The following LAP3 variants were observed in gnomAD, a reference collection of about 807,000 sequenced individuals.
The protein encoded by LAP3 is leucine aminopeptidase 3, also known as cytosol aminopeptidase.
A neutral mutation model predicts 58.8 loss-of-function variants in LAP3; 46 were observed. The ratio of observed to expected loss-of-function variants is 0.78; its 90% CI spans 0.62 to 1.00. LAP3 has a LOEUF of 1.00. LAP3 is among the 50% of genes least tolerant of loss of function. LAP3 has a pLI of 0.00. For synonymous variants in LAP3, 257 were observed against 237.7 expected, an observed-to-expected ratio of 1.08 and a Z score of -0.75; for missense variants, 615 against 659.1, an observed-to-expected ratio of 0.93 and a Z score of 0.73.
chr4:17,588,651 C>T (rs1713594165), intron 6 of LAP3, among the ~76,000 whole-genome samples, 168 bp from the exon 7 acceptor site: 1 of 152,068 alleles, frequency 6.6e-6, no homozygotes, highest in South Asian at 2.1e-4. Flanking sequence ...GTGACTTGCC[C>T]AAGAATATAC....
At chr4:17,595,875 CTTCGTAGGATTG>C (rs1713814525) in intron 8 of LAP3, among the ~76,000 whole-genome samples, 1 of 152,050 alleles carries the variant, frequency 6.6e-6, no homozygotes, top group Admixed American at 6.6e-5. Flanking sequence ...TGACTGATTG[CTTCGTAGGATTG>C]TGGCCGGTGA....
rs140241819 is a variant in LAP3 at position 17,602,189 on chromosome 4, A to C, written c.1181-2399A>C. On this transcript the variant is annotated intron_variant, in intron 10 of 12. Coordinates refer to ENST00000226299, the MANE Select transcript of LAP3 (RefSeq NM_015907.3). ...GGTTCAGTGCTTGTCCTGATACTGAAGGATAGTAAGGTTTGCTTTTCCTTT... is the reference window on the plus strand; with the variant it reads ...GGTTCAGTGCTTGTCCTGATACTGACGGATAGTAAGGTTTGCTTTTCCTTT... 8.5e-4 allele frequency among the ~76,000 whole-genome samples: 129 copies of C among 152,274 alleles called. 2 individuals carry two copies. The highest frequency in any genetic ancestry group is 3.0e-3 in the African/African-American group (123 of 41,550).
At chr4:17,581,683 C>A in intron 2 of LAP3, 77 bp from the exon 3 acceptor site, 2 of 1,045,968 alleles carry the variant, frequency 1.9e-6, no homozygotes, top group South Asian at 1.3e-5. Flanking sequence ...TGTGATAATG[C>A]CGAGTATGTA....
chr4:17,587,821 CTG>C (rs1260480408), intron 6 of LAP3: 2 of 152,122 alleles, frequency 1.3e-5, no homozygotes, highest in Non-Finnish European at 2.9e-5. Flanking sequence ...ACAGTTGAAA[CTG>C]TGAGAAACAG....
chr4:17,592,226 G>C (rs10008337), intron 7 of LAP3, among the ~76,000 whole-genome samples: 94,387 of 152,042 alleles, frequency 0.62, 29,935 homozygotes, highest in East Asian at 0.88. Context: ...GTTCCCTTCT[G>C]CCTTTTTGTA....
At position 17,603,813 on chromosome 4, in the gene LAP3, CTTTTT is replaced by C. The variant is rs563546560; in HGVS notation, c.1181-767_1181-763del. Among the ~76,000 whole-genome samples, 143 of 101,066 alleles carry C rather than the reference CTTTTT, an allele frequency of 1.4e-3. 1 individual carries two copies. Among genetic ancestry groups the C allele is most frequent in the African/African-American group, 4.3e-3 (137 of 31,598 alleles). 66.3% of individuals were successfully genotyped at this position (101,066 alleles called of 152,430 possible). A position where few individuals can be genotyped will look rare whatever the true frequency, so the allele number is the denominator to read the frequency against. ...ACAGGCGTGAGGCATTGCGCCTGGCCTTTTTTTTTTTTCTTTCTTTCTTTTTTTTT... is the reference window on the plus strand; with the variant it reads ...ACAGGCGTGAGGCATTGCGCCTGGCCTTTTTTTCTTTCTTTCTTTTTTTTT... On this transcript the variant is annotated intron_variant, in intron 10 of 12. Transcript: ENST00000226299.
chr4:17,579,449 C>T (rs937525891), intron 1 of LAP3, among the ~76,000 whole-genome samples: 1 of 152,190 alleles, frequency 6.6e-6, no homozygotes, highest in Non-Finnish European at 1.5e-5. Flanking sequence ...ACTAATGTGC[C>T]AAAGCGGTAT....
At chr4:17,581,987 A>G in intron 3 of LAP3, 173 bp downstream of exon 3, 3 of 623,586 alleles carry the variant, frequency 4.8e-6, no homozygotes, top group East Asian at 2.8e-5. Flanking sequence ...ACTACTGCCT[A>G]TCTTATATTC....
intron 5 of LAP3, among the ~76,000 whole-genome samples, chr4:17,584,575 G>T (rs1013642335): frequency 6.6e-6 from 1 of 152,248 alleles, no homozygotes; most frequent in African/African-American, 2.4e-5. Flanking sequence ...TTGCTTTGCA[G>T]TTAGCACTTG....
intron 7 of LAP3, among the ~76,000 whole-genome samples, chr4:17,593,212 T>A (rs752791382): frequency 6.6e-6 from 1 of 152,250 alleles, no homozygotes; most frequent in Non-Finnish European, 1.5e-5. Flanking sequence ...TTGTAAGGTT[T>A]TTTAAAAATA....
intron 8 of LAP3, among the ~76,000 whole-genome samples, chr4:17,596,740 C>T (rs140978397): frequency 0.012 from 1,779 of 152,278 alleles, 39 homozygotes; most frequent in African/African-American, 0.04. Context: ...TTTTCTTCCA[C>T]GGCATTAGCA....
Position 17,607,745 on chromosome 4 carries a change from A to G in LAP3, c.*156A>G, listed in dbSNP as rs1400325045. Reference sequence around the variant, plus strand: ...ATTTGTATGCCTTGATTTTTTTTTCATTTCACACAAAGATTTATAAAGGTA... The same window carrying G: ...ATTTGTATGCCTTGATTTTTTTTTCGTTTCACACAAAGATTTATAAAGGTA... On this transcript the variant is annotated 3_prime_UTR_variant, in exon 13 of 13. Transcript: ENST00000226299. The G allele has an allele frequency of 7.3e-6, 4 of 547,358 alleles. No homozygotes were observed. The highest frequency in any genetic ancestry group is 5.7e-5 in the African/African-American group (3 of 52,536). The allele number at this position is 547,358 out of a possible 1,614,324, so 33.9% of individuals were successfully genotyped here.
In LAP3 at chr4:17,596,965, C is replaced by T. The variant is rs1365701919; in HGVS notation, c.989-81C>T. The T allele has an allele frequency of 2.2e-5, 28 of 1,282,692 alleles. No individual in the cohort carries two copies. In the Admixed American group the frequency reaches 4.4e-4, roughly 20 times the overall value. The allele number at this position is 1,282,692 out of a possible 1,614,324, so 79.5% of individuals were successfully genotyped here. A position where few individuals can be genotyped will look rare whatever the true frequency, so the allele number is the denominator to read the frequency against. On this transcript the variant is annotated intron_variant, in intron 8 of 12. Transcript: ENST00000226299. Reference sequence around the variant, plus strand: ...GGCCTTTGTGTCTTGCTTCTCATGGCTCACAGGTGGCCTCTTGTCCCATAG... The same window carrying T: ...GGCCTTTGTGTCTTGCTTCTCATGGTTCACAGGTGGCCTCTTGTCCCATAG...
Position 17,593,618 on chromosome 4 carries a change from T to TTTTTTTG in LAP3, c.864-1786_864-1785insGTTTTTT, listed in dbSNP as rs1239261508. 1.1e-4 allele frequency among the ~76,000 whole-genome samples: 15 copies of TTTTTTTG among 137,620 alleles called. 1 individual carries two copies. Among genetic ancestry groups the TTTTTTTG allele is most frequent in the Non-Finnish European group, 2.2e-4 (14 of 64,258 alleles). 90.3% of individuals were successfully genotyped at this position (137,620 alleles called of 152,430 possible). The stretch of plus-strand genomic sequence containing the variant: ...TTTAGAATCTGCTTGGGTTTTTTTT[T>TTTTTTTG]TTTTTTTTTTTGAGACAGTGTCTCA... On this transcript the variant is annotated intron_variant, in intron 7 of 12. Coordinates refer to ENST00000226299, the MANE Select transcript of LAP3 (RefSeq NM_015907.3).
chr4:17,601,652 A>G (rs564749282), intron 10 of LAP3, among the ~76,000 whole-genome samples: 7 of 152,184 alleles, frequency 4.6e-5, no homozygotes, highest in Non-Finnish European at 1.0e-4. Flanking sequence ...CCTTATGTAA[A>G]ATGGCATAGT....
Position 17,577,238 on chromosome 4 carries a change from A to ATGCGGGCGCACCCGAC in LAP3, c.-215_-214insGACTGCGGGCGCACCC. ...CGCACACGAATGCGGGCGCACACGAATGCGGGCGCACCCTTGAGTCCCCTC... is the reference window on the plus strand; with the variant it reads ...CGCACACGAATGCGGGCGCACACGAATGCGGGCGCACCCGACTGCGGGCGCACCCTTGAGTCCCCTC... On this transcript the variant is annotated 5_prime_UTR_variant, in exon 1 of 13. It introduces an in-frame stop codon into an upstream open reading frame of the 5' UTR. Transcript: ENST00000226299. 1 of 365,412 alleles carries ATGCGGGCGCACCCGAC rather than the reference A, an allele frequency of 2.7e-6. No homozygotes were observed. The highest frequency in any genetic ancestry group is 4.8e-6 in the Non-Finnish European group (1 of 209,972). 22.6% of individuals were successfully genotyped at this position (365,412 alleles called of 1,614,324 possible).
At chr4:17,604,775 A>G in intron 11 of LAP3, 108 bp downstream of exon 11, 1 of 842,108 alleles carries the variant, frequency 1.2e-6, no homozygotes, top group Non-Finnish European at 1.9e-6. Context: ...TTTATGCCGC[A>G]GGTTTGCCTT....
chr4:17,606,128 G>GATGA (rs887424955), intron 11 of LAP3, among the ~76,000 whole-genome samples: 1 of 152,134 alleles, frequency 6.6e-6, no homozygotes, highest in African/African-American at 2.4e-5. Flanking sequence ...GTGGGTAAGT[G>GATGA]ATGAATGAAT....
intron 9 of LAP3, 26 bp downstream of exon 9, chr4:17,597,160 C>A (rs1381683535): frequency 6.3e-7 from 1 of 1,580,272 alleles, no homozygotes; most frequent in Admixed American, 1.7e-5. Flanking sequence ...ACACAGCACT[C>A]CCCATCCAGC....
Sources: gnomAD v4.1 joint callset for allele counts (sites outside exome capture counted in the v4.1 genomes callset) on GRCh38, gnomAD v4.1.1 for gene constraint, MANE v1.5 for transcripts, NCBI Gene and HGNC (gene_info 2026-07-23, HGNC 2026-07-21) for gene names.